MARCHF1: variants seen among roughly 807,000 people sequenced by gnomAD.
MARCHF1 encodes the protein E3 ubiquitin-protein ligase MARCHF1.
Under a neutral mutation model 54.2 loss-of-function variants are expected in MARCHF1, and 40 were observed. The observed-to-expected ratio is 0.74, with a 90% CI of 0.57 to 0.96. The LOEUF (loss-of-function observed/expected upper bound fraction) is 0.96. Ranked by LOEUF, MARCHF1 falls within the 40% of genes least tolerant of loss-of-function variation. The probability of loss-of-function intolerance (pLI) is 0.00; values close to 1 mark genes in which losing one functional copy is unlikely to be tolerated. For synonymous variants in MARCHF1, 236 were observed against 236.3 expected (o/e 1.00, Z 0.01); for missense variants, 586 against 656.5 (o/e 0.89, Z 1.17).
At chr4:164,050,730 C>T (rs988285602) in intron 2 of MARCHF1, among the ~76,000 whole-genome samples, 46 of 152,120 alleles carry the variant, frequency 3.0e-4, no homozygotes, top group South Asian at 2.1e-4. Flanking sequence ...GTCAGGAGTT[C>T]GAGACCAGCC....
intron 7 of MARCHF1, among the ~76,000 whole-genome samples, chr4:163,596,770 TA>T (rs1740786132): frequency 6.6e-6 from 1 of 152,116 alleles, no homozygotes; most frequent in African/African-American, 2.4e-5. Context: ...ATTTAAAAGG[TA>T]TTTTTCAAAA....
At chr4:163,895,041 T>C (rs1237668285) in intron 3 of MARCHF1, among the ~76,000 whole-genome samples, 3 of 151,916 alleles carry the variant, frequency 2.0e-5, no homozygotes, top group Non-Finnish European at 2.9e-5. Flanking sequence ...TGCACACATA[T>C]ACATATATGC....
chr4:164,244,845 C>T (rs1218561667), intron 1 of MARCHF1, among the ~76,000 whole-genome samples: 1 of 151,784 alleles, frequency 6.6e-6, no homozygotes, highest in African/African-American at 2.4e-5. Context: ...CGCAAATAAA[C>T]TAGAAAATCT....
Position 164,112,148 on chromosome 4 carries a change from C to T in MARCHF1, c.-322-486G>A, listed in dbSNP as rs114574990. On this transcript the variant is annotated intron_variant, in intron 1 of 9. Coordinates refer to ENST00000514618, the MANE Select transcript of MARCHF1 (RefSeq NM_001394959.1). ...CATAATGAGGATGAGTAAAAGGATG[C>T]GGTGATTGAAGGATAAGCAACAGCT... 3.4e-3 allele frequency among the ~76,000 whole-genome samples: 515 copies of T among 151,812 alleles called. 4 individuals are homozygous for T. Among genetic ancestry groups the T allele is most frequent in the African/African-American group, 0.012 (481 of 41,490 alleles).
At chr4:164,315,748 T>C (rs1022819667) in intron 1 of MARCHF1, among the ~76,000 whole-genome samples, 1 of 152,206 alleles carries the variant, frequency 6.6e-6, no homozygotes, top group Non-Finnish European at 1.5e-5. Flanking sequence ...CTGTTAGTTA[T>C]ATGAGATCCC....
intron 7 of MARCHF1, among the ~76,000 whole-genome samples, chr4:163,610,586 A>G (rs777961678): frequency 5.3e-5 from 8 of 152,114 alleles, no homozygotes; most frequent in Non-Finnish European, 1.2e-4. Context: ...TTAGGGAATG[A>G]CAACAGATGG....
chr4:163,610,213 GTA>G (rs1741290478), intron 7 of MARCHF1, among the ~76,000 whole-genome samples: 1 of 151,762 alleles, frequency 6.6e-6, no homozygotes, highest in Admixed American at 6.6e-5. Context: ...TTTTTTTCGA[GTA>G]TGTGTTCAAT....
At chr4:163,912,622 C>T (rs1751218518) in intron 3 of MARCHF1, among the ~76,000 whole-genome samples, 1 of 152,132 alleles carries the variant, frequency 6.6e-6, no homozygotes, top group Admixed American at 6.6e-5. Context: ...CTAGTTTCTA[C>T]TCAATTATAT....
chr4:164,190,543 C>T (rs957762507), intron 1 of MARCHF1, among the ~76,000 whole-genome samples: 2 of 151,916 alleles, frequency 1.3e-5, no homozygotes, highest in African/African-American at 4.8e-5. Flanking sequence ...AATTGGCCAT[C>T]TTAAAAAGTG....
At chr4:163,621,690 A>C (rs570756397) in intron 5 of MARCHF1, among the ~76,000 whole-genome samples, 1 of 152,328 alleles carries the variant, frequency 6.6e-6, no homozygotes, top group South Asian at 2.1e-4. Flanking sequence ...TGCAGCATAC[A>C]GGAACACTGG....
intron 2 of MARCHF1, among the ~76,000 whole-genome samples, chr4:164,067,675 G>T (rs1170497954): frequency 1.3e-5 from 2 of 152,020 alleles, no homozygotes; most frequent in East Asian, 3.9e-4. Context: ...CCTTGGCAAA[G>T]AATTTTTGGC....
chr4:164,366,035 G>T (rs967383274), intron 1 of MARCHF1, among the ~76,000 whole-genome samples: 2 of 151,798 alleles, frequency 1.3e-5, no homozygotes, highest in Non-Finnish European at 2.9e-5. Context: ...GACTCTCTGT[G>T]TATTTTCTAT....
At chr4:164,062,795 A>AT (rs1754648171) in intron 2 of MARCHF1, among the ~76,000 whole-genome samples, 1 of 152,196 alleles carries the variant, frequency 6.6e-6, no homozygotes, top group South Asian at 2.1e-4. Context: ...AATTGTTGGG[A>AT]TTACAGGCAT....
chr4:163,725,339 A>G (rs1444095817), intron 4 of MARCHF1, among the ~76,000 whole-genome samples: 1 of 152,050 alleles, frequency 6.6e-6, no homozygotes, highest in Non-Finnish European at 1.5e-5. Flanking sequence ...TTAAGTGGGT[A>G]TGGTGGCATG....
intron 1 of MARCHF1, among the ~76,000 whole-genome samples, chr4:164,118,241 A>G (rs1755981297): frequency 6.6e-6 from 1 of 151,788 alleles, no homozygotes; most frequent in South Asian, 2.1e-4. Flanking sequence ...TTTGGAAAAC[A>G]GTAAACCCCA....
At chr4:164,126,864 T>G (rs571294512) in intron 1 of MARCHF1, among the ~76,000 whole-genome samples, 8 of 152,262 alleles carry the variant, frequency 5.3e-5, no homozygotes, top group Admixed American at 1.3e-4. Flanking sequence ...AAGACCAGCC[T>G]GACCAATATG....
At chr4:164,303,150 A>C (rs950825627) in intron 1 of MARCHF1, among the ~76,000 whole-genome samples, 2 of 152,106 alleles carry the variant, frequency 1.3e-5, no homozygotes, top group African/African-American at 4.8e-5. Context: ...CTAGTTTGGA[A>C]TAAGTCATGC....
At chr4:164,239,893 T>C (rs984235902) in intron 1 of MARCHF1, among the ~76,000 whole-genome samples, 2 of 152,242 alleles carry the variant, frequency 1.3e-5, no homozygotes, top group Non-Finnish European at 2.9e-5. Flanking sequence ...CCATTCTTAA[T>C]ACTATGATTA....
chr4:163,939,646 A>C (rs1751870354), intron 3 of MARCHF1, among the ~76,000 whole-genome samples: 1 of 152,172 alleles, frequency 6.6e-6, no homozygotes, highest in African/African-American at 2.4e-5. Context: ...AAATATGTTT[A>C]TCTCTTTATT....
Sources: allele counts gnomAD v4.1 joint callset (sites outside exome capture counted in the v4.1 genomes callset), GRCh38; gene constraint gnomAD v4.1.1; transcripts MANE v1.5; gene names NCBI Gene and HGNC (gene_info 2026-07-23, HGNC 2026-07-21).